Variants in PREX1 observed in about 807,000 individuals in gnomAD.
The protein encoded by PREX1 is phosphatidylinositol-3,4,5-trisphosphate dependent Rac exchange factor 1, also known as phosphatidylinositol 3,4,5-trisphosphate-dependent Rac exchanger 1 protein.
In PREX1, 41 loss-of-function variants were observed where a neutral mutation model predicts 198.3. That is an observed-to-expected ratio of 0.21 (90% confidence interval 0.16 to 0.27). PREX1 has a LOEUF of 0.27. PREX1 is among the 10% of genes least tolerant of loss of function. PREX1 has a pLI of 1.00. For missense variants in PREX1, 1,620 were observed against 2,200.7 expected (o/e 0.74, Z 5.28); for synonymous variants, 843 against 887.2 (o/e 0.95, Z 0.89).
intron 1 of PREX1, among the ~76,000 whole-genome samples, chr20:48,769,084 C>CCCCATT (rs1396974070): frequency 5.3e-5 from 8 of 152,296 alleles, no homozygotes; most frequent in African/African-American, 1.4e-4. Flanking sequence ...CAGAGCCAGA[C>CCCCATT]CCCATTCCCA....
intron 29 of PREX1, among the ~76,000 whole-genome samples, chr20:48,640,957 G>A (rs2089405693): frequency 6.6e-6 from 1 of 151,960 alleles, no homozygotes; most frequent in Non-Finnish European, 1.5e-5. Context: ...CGGATGGATT[G>A]ATGGGTGCAT....
At chr20:48,775,789 T>C (rs1376950660) in intron 1 of PREX1, among the ~76,000 whole-genome samples, 1 of 152,218 alleles carries the variant, frequency 6.6e-6, no homozygotes, top group Non-Finnish European at 1.5e-5. Flanking sequence ...TGCTCCTCCT[T>C]GCCTTCCACC....
intron 5 of PREX1, among the ~76,000 whole-genome samples, chr20:48,719,844 G>C (rs1289888875): frequency 1.3e-5 from 2 of 152,004 alleles, no homozygotes; most frequent in Non-Finnish European, 2.9e-5. Flanking sequence ...CAGCCAGAGG[G>C]ACCCCATTAG....
At chr20:48,637,786 G>C in intron 30 of PREX1, 34 bp from the exon 31 acceptor site, 1 of 1,589,734 alleles carries the variant, frequency 6.3e-7, no homozygotes, top group Non-Finnish European at 8.6e-7. Flanking sequence ...AGGGGGACGG[G>C]CTGGGAGGGG....
rs775094642 is a variant in PREX1, at chr20:48,634,708, G to C, written c.4235C>G (p.Ser1412Cys). 6.2e-7 allele frequency: 1 copy of C among 1,614,204 alleles called. No individual in the cohort carries two copies. The highest frequency in any genetic ancestry group is 1.1e-5 in the South Asian group (1 of 91,084). ...TLSELDNVTF[S>C]FKQLDENYVA... ...ATAGTTCTCGTCCAGCTGCTTAAAG[G>C]AGAAGGTGACATTGTCCAGCTCTGA... The change falls in exon 33 of 40, where the codon TCC becomes TGC. Residue 1412 changes from serine (S) to cysteine (C), a missense_variant. This residue lies in a region of PREX1 where 476 missense variants were observed against 603.4 expected (regional missense o/e 0.79). Transcript: ENST00000371941.
upstream of PREX1, among the ~76,000 whole-genome samples, chr20:48,829,281 C>A (rs968115540): frequency 1.3e-5 from 2 of 152,210 alleles, no homozygotes; most frequent in Non-Finnish European, 2.9e-5. Flanking sequence ...TGTTTCCGGA[C>A]CAGAGATTGT....
At chr20:48,634,192 A>G (rs1050102152) in intron 33 of PREX1, among the ~76,000 whole-genome samples, 5 of 151,192 alleles carry the variant, frequency 3.3e-5, no homozygotes, top group African/African-American at 1.2e-4. Context: ...GGATGGATGG[A>G]TGGATGGATA....
At chr20:48,662,978 T>C (rs1601056944) in intron 15 of PREX1, among the ~76,000 whole-genome samples, 1 of 151,794 alleles carries the variant, frequency 6.6e-6, no homozygotes, top group African/African-American at 2.4e-5. Context: ...GGCGGGAGGC[T>C]CGGGGCTGTC....
intron 2 of PREX1, among the ~76,000 whole-genome samples, chr20:48,747,536 G>A (rs1486484906): frequency 2.0e-5 from 3 of 152,188 alleles, no homozygotes; most frequent in Non-Finnish European, 4.4e-5. Flanking sequence ...AAGACTGGGG[G>A]GTCACAATGA....
intron 35 of PREX1, 57 bp downstream of exon 35, chr20:48,632,220 C>T: frequency 6.5e-7 from 1 of 1,538,422 alleles, no homozygotes; most frequent in Non-Finnish European, 9.0e-7. Context: ...ATGCTAATGC[C>T]CACTCCACGT....
At chr20:48,741,027 G>A (rs1385680595) in intron 3 of PREX1, among the ~76,000 whole-genome samples, 2 of 127,336 alleles carry the variant, frequency 1.6e-5, no homozygotes, top group Non-Finnish European at 3.4e-5. Context: ...TTTTTTTTTT[G>A]AGACGGAGTC....
the PREX1 span, among the ~76,000 whole-genome samples, chr20:48,874,134 G>T: frequency 6.6e-6 from 1 of 152,114 alleles, no homozygotes; most frequent in East Asian, 1.9e-4. Flanking sequence ...TTATTATATG[G>T]ACTCTACAAT....
At chr20:48,644,100 C>A (rs181647623) in intron 27 of PREX1, among the ~76,000 whole-genome samples, 3 of 152,232 alleles carry the variant, frequency 2.0e-5, no homozygotes, top group African/African-American at 7.2e-5. Context: ...ATTCATCGAA[C>A]ATGAAGTACA....
chr20:48,712,695 C>T (rs983482278), intron 5 of PREX1, among the ~76,000 whole-genome samples: 4 of 152,192 alleles, frequency 2.6e-5, no homozygotes, highest in Non-Finnish European at 2.9e-5. Flanking sequence ...GGACCAAAAC[C>T]GCAGGGGAAG....
At chr20:48,792,051 G>C (rs1157156052) in intron 1 of PREX1, among the ~76,000 whole-genome samples, 6 of 152,168 alleles carry the variant, frequency 3.9e-5, no homozygotes, top group Admixed American at 3.9e-4. Context: ...CTGTGCCTCA[G>C]TTTCTTCATC....
In PREX1 at chr20:48,629,611, G is replaced by C. The variant is rs367573371; in HGVS notation, c.4604C>G (p.Pro1535Arg). The C allele has an allele frequency of 1.9e-5, 31 of 1,613,990 alleles. No individual in the cohort carries two copies. In the African/African-American group the frequency reaches 3.3e-4, roughly 17 times the overall value. ...TAVKIDQLIR[P>R]INALDELCRL... is the part of the protein sequence containing the mutation. ...GCAGAGCTCATCCAGGGCATTGATG[G>C]GGCGGATCAGCTGTAGGGGGTACCA... The change falls in exon 37 of 40, where the codon CCC becomes CGC. Residue 1535 changes from proline to arginine, a missense_variant. This residue lies in a region of PREX1 where 476 missense variants were observed against 603.4 expected (regional missense o/e 0.79). Transcript: ENST00000371941.
At chr20:48,729,367 G>A (rs185462280) in intron 4 of PREX1, among the ~76,000 whole-genome samples, 34 of 152,114 alleles carry the variant, frequency 2.2e-4, no homozygotes, top group Non-Finnish European at 4.3e-4. Context: ...GTGAGCCACC[G>A]TGCCTGGCCC....
chr20:48,660,809 A>G (rs1237939557), intron 15 of PREX1, among the ~76,000 whole-genome samples: 1 of 152,238 alleles, frequency 6.6e-6, no homozygotes, highest in Non-Finnish European at 1.5e-5. Flanking sequence ...AAATGGGCAA[A>G]GGATATGAAC....
intron 10 of PREX1, among the ~76,000 whole-genome samples, chr20:48,688,223 T>C (rs936663202): frequency 4.6e-5 from 7 of 152,170 alleles, no homozygotes; most frequent in African/African-American, 1.7e-4. Context: ...TCCCAAGTGC[T>C]ACAGCAGCAT....
Sources: allele counts gnomAD v4.1 joint callset (sites outside exome capture counted in the v4.1 genomes callset), GRCh38; gene constraint gnomAD v4.1.1; regional missense constraint gnomAD v4.1.1; transcripts MANE v1.5; gene names NCBI Gene and HGNC (gene_info 2026-07-23, HGNC 2026-07-21).